Variants in ACTN1 observed in about 807,000 individuals in gnomAD.
ACTN1 encodes actinin alpha 1, also known as alpha-actinin-1.
ACTN1 carries 30 observed loss-of-function variants against 119.6 expected under a neutral mutation model. The observed-to-expected ratio is 0.25, with a 90% CI of 0.19 to 0.34. The LOEUF (loss-of-function observed/expected upper bound fraction) is 0.34. Among genes scored for constraint, ACTN1 ranks in the 10% least tolerant of loss-of-function variants. The pLI is 1.00. For synonymous variants in ACTN1, 429 were observed against 472.6 expected, an observed-to-expected ratio of 0.91 and a Z score of 1.20; for missense variants, 764 against 1,223.4, an observed-to-expected ratio of 0.62 and a Z score of 5.60.
chr14:68,929,601 G>A (rs367883358), intron 1 of ACTN1, among the ~76,000 whole-genome samples: 28 of 152,310 alleles, frequency 1.8e-4, no homozygotes, highest in Middle Eastern at 3.4e-3. Context: ...GATACACTCC[G>A]TTCCAGAAAT....
chr14:68,918,581 T>A (rs1274498961), intron 3 of ACTN1, among the ~76,000 whole-genome samples: 2 of 143,934 alleles, frequency 1.4e-5, no homozygotes, highest in African/African-American at 2.6e-5. Flanking sequence ...TGAGACTCCG[T>A]CTCAAAAAAA....
chr14:68,893,772 C>T (rs370700845), intron 8 of ACTN1, 25 bp from the exon 9 acceptor site: 15 of 1,611,194 alleles, frequency 9.3e-6, no homozygotes, highest in African/African-American at 2.7e-5. Flanking sequence ...GAGAGAGTCA[C>T]GACCAGCCAG....
At chr14:68,950,462 G>GTGTGTGTGTATATATATA in intron 1 of ACTN1, among the ~76,000 whole-genome samples, 1 of 125,912 alleles carries the variant, frequency 7.9e-6, no homozygotes, top group Non-Finnish European at 1.6e-5. Flanking sequence ...ATGCGTGTGT[G>GTGTGTGTGTATATATATA]TATATATATA....
intron 1 of ACTN1, among the ~76,000 whole-genome samples, chr14:68,953,713 C>G (rs535573556): frequency 1.3e-5 from 2 of 149,840 alleles, no homozygotes; most frequent in Non-Finnish European, 3.0e-5. Flanking sequence ...CCCATCTCTA[C>G]TAAAAATACA....
At chr14:68,947,827 C>G (rs182032549) in intron 1 of ACTN1, among the ~76,000 whole-genome samples, 1 of 152,200 alleles carries the variant, frequency 6.6e-6, no homozygotes, top group African/African-American at 2.4e-5. Context: ...AATAGCAATC[C>G]GGAGCAGTGG....
At position 68,961,509 on chromosome 14, in the gene ACTN1, C is replaced by T. The variant is rs181942765; in HGVS notation, c.105+17443G>A. 2.3e-3 allele frequency among the ~76,000 whole-genome samples: 352 copies of T among 152,206 alleles called. 2 individuals carry two copies. The highest frequency in any genetic ancestry group is 2.4e-3 in the Non-Finnish European group (166 of 68,022). ...AGCAGAGGCTAGAAACGCAGTGTTC[C>T]CCTGGGTGTTCTGATGCATCTCACA... On this transcript the variant is annotated intron_variant, in intron 1 of 21. Coordinates refer to ENST00000394419, the MANE Select transcript of ACTN1 (RefSeq NM_001130004.2).
rs559258989 is a variant in ACTN1, at chr14:68,951,844, C to T, written c.106-26172G>A. On this transcript the variant is annotated intron_variant, in intron 1 of 21. Transcript: ENST00000394419. ...CCCATCATTCATTCACTCATTCATT[C>T]GTTCGTTCATTCATTCAAGATTTTC... 4.6e-5 allele frequency among the ~76,000 whole-genome samples: 7 copies of T among 152,310 alleles called. No homozygotes were observed. In the East Asian group the frequency reaches 7.7e-4, roughly 17 times the overall value.
At chr14:68,891,953 C>A (rs1057295163) in intron 10 of ACTN1, 100 bp downstream of exon 10, 1 of 1,421,462 alleles carries the variant, frequency 7.0e-7, no homozygotes, top group Non-Finnish European at 9.5e-7. Context: ...GCAAACACGC[C>A]CATCCGCACC....
In ACTN1 at chr14:68,883,038, A is replaced by G. The variant is rs1458194569; in HGVS notation, c.1653T>C (p.His551=). 3.7e-6 allele frequency: 6 copies of G among 1,614,148 alleles called. No individual in the cohort carries two copies. The highest frequency in any genetic ancestry group is 1.7e-4 in the Middle Eastern group (1 of 6,038). The stretch of plus-strand genomic sequence containing the variant: ...CAGGGAGGGTGGCCTTGAACTGCTC[A>G]TGGGCTGTGGTCAGTCCCTGGACAG... ...IEEIQGLTTA[H]EQFKATLPDA... The change falls in exon 15 of 22, where the codon CAT becomes CAC. Residue 551 remains histidine (H), a synonymous_variant. Coordinates refer to ENST00000394419, the MANE Select transcript of ACTN1 (RefSeq NM_001130004.2).
chr14:68,884,805 G>A lies in ACTN1; in HGVS notation c.1464C>T (p.Ala488=). ...GAGCTTCCCTTCGCTTCTGAGTTAGGGCCCCCAGATTGTCCCACTGGTCAC... is the reference window on the plus strand; with the variant it reads ...GAGCTTCCCTTCGCTTCTGAGTTAGAGCCCCCAGATTGTCCCACTGGTCAC... ...KICDQWDNLG[A]LTQKRREALE... is the part of the protein sequence containing the mutation. The change falls in exon 13 of 22, where the codon GCC becomes GCT. Residue 488 remains alanine (A), a synonymous_variant. Transcript: ENST00000394419. 6.2e-7 allele frequency: 1 copy of A among 1,614,140 alleles called. No homozygotes were observed. The highest frequency in any genetic ancestry group is 8.5e-7 in the Non-Finnish European group (1 of 1,179,960).
intron 1 of ACTN1, among the ~76,000 whole-genome samples, chr14:68,965,072 G>T (rs1448077419): frequency 2.6e-5 from 4 of 152,186 alleles, no homozygotes; most frequent in Non-Finnish European, 2.9e-5. Flanking sequence ...CAGGTGTTCT[G>T]GAGCCCACCT....
At chr14:68,931,794 A>G (rs1273859391) in intron 1 of ACTN1, among the ~76,000 whole-genome samples, 1 of 152,156 alleles carries the variant, frequency 6.6e-6, no homozygotes. Flanking sequence ...AAGGACAGAA[A>G]GTTTCAGGGA....
At chr14:68,955,577 CCAAA>C (rs1346790835) in intron 1 of ACTN1, among the ~76,000 whole-genome samples, 8 of 152,156 alleles carry the variant, frequency 5.3e-5, no homozygotes, top group Admixed American at 2.6e-4. Flanking sequence ...CCGCAGGAAA[CCAAA>C]CAGAGTTGGG....
chr14:68,963,049 C>T (rs1231733883), intron 1 of ACTN1, among the ~76,000 whole-genome samples: 1 of 152,212 alleles, frequency 6.6e-6, no homozygotes, highest in African/African-American at 2.4e-5. Flanking sequence ...CTGCCCCTCC[C>T]TCCCCAGAAC....
intron 6 of ACTN1, among the ~76,000 whole-genome samples, chr14:68,905,333 T>C (rs2033601613): frequency 1.3e-5 from 2 of 152,220 alleles, no homozygotes; most frequent in African/African-American, 4.8e-5. Context: ...GCTGTAATCC[T>C]TGTGCGATGA....
In ACTN1 at chr14:68,925,864, G is replaced by C. The variant is rs1205236239; in HGVS notation, c.106-192C>G. ...GCTACCCACAGGGCAGCAGCTGAGG[G>C]ACCCTACACAGAGCCTGCTACATGG... On this transcript the variant is annotated intron_variant, in intron 1 of 21. Transcript: ENST00000394419. This position sits in a 1 kb window ranked among gnomAD's most constrained non-coding sequence, Gnocchi z 4.3. 6.6e-6 allele frequency among the ~76,000 whole-genome samples: 1 copy of C among 152,102 alleles called. No individual in the cohort carries two copies. The highest frequency in any genetic ancestry group is 1.5e-5 in the Non-Finnish European group (1 of 68,004).
intron 8 of ACTN1, among the ~76,000 whole-genome samples, chr14:68,900,075 T>G (rs952287360): frequency 6.6e-6 from 1 of 152,098 alleles, no homozygotes; most frequent in African/African-American, 2.4e-5. Context: ...CAGACGGGGC[T>G]GGTCTCCTGT....
At chr14:68,875,087 C>T in intron 21 of ACTN1, 70 bp from the exon 22 acceptor site, 1 of 1,595,606 alleles carries the variant, frequency 6.3e-7, no homozygotes, top group Non-Finnish European at 8.5e-7. Context: ...CCGACACAGC[C>T]GCAAAGCCTG....
rs2031945860 is a variant in ACTN1, at chr14:68,885,710, T to C, written c.1235-135A>G. On this transcript the variant is annotated intron_variant, in intron 11 of 21. Transcript: ENST00000394419. This position sits in a 1 kb window ranked among gnomAD's most constrained non-coding sequence, Gnocchi z 5.6. The stretch of plus-strand genomic sequence containing the variant: ...AGGAGGTGCCCATTGTGCAGGGATC[T>C]GCAGGGTGCAAAAGCAGATGTGCAA... The C allele has an allele frequency of 1.9e-6, 2 of 1,062,462 alleles. No homozygotes were observed. The highest frequency in any genetic ancestry group is 5.4e-5 in the Admixed American group (2 of 36,966). 65.8% of individuals were successfully genotyped at this position (1,062,462 alleles called of 1,614,324 possible). A position where few individuals can be genotyped will look rare whatever the true frequency, so the allele number is the denominator to read the frequency against.
Sources: allele counts gnomAD v4.1 joint callset (sites outside exome capture counted in the v4.1 genomes callset), GRCh38; gene constraint gnomAD v4.1.1; non-coding constraint Gnocchi (gnomAD v3.1); transcripts MANE v1.5; gene names NCBI Gene and HGNC (gene_info 2026-07-23, HGNC 2026-07-21).